The following VRK2 variants were observed in gnomAD, a reference collection of about 807,000 sequenced individuals.
VRK2 encodes the protein serine/threonine-protein kinase VRK2.
In VRK2, 60 loss-of-function variants were observed where a neutral mutation model predicts 57.6. The observed-to-expected ratio is 1.04, with a 90% confidence interval of 0.85 to 1.29. VRK2 has a LOEUF of 1.29. Ranked by LOEUF, VRK2 falls within the 50% of genes most tolerant of loss-of-function variation. The pLI, the probability that VRK2 is intolerant of heterozygous loss-of-function variation, is 0.00. For missense variants in VRK2, 705 were observed against 588.1 expected (o/e 1.20, Z -2.06); for synonymous variants, 231 against 199.2 (o/e 1.16, Z -1.35).
chr2:58,128,111 A>G (rs1467729971), intron 8 of VRK2, among the ~76,000 whole-genome samples: 1 of 152,214 alleles, frequency 6.6e-6, no homozygotes, highest in Non-Finnish European at 1.5e-5. Flanking sequence ...CTTGAAAGAA[A>G]TAGTTTCATG....
intron 12 of VRK2, among the ~76,000 whole-genome samples, chr2:58,152,455 T>C (rs1467482776): frequency 2.0e-5 from 3 of 151,942 alleles, no homozygotes; most frequent in Non-Finnish European, 2.9e-5. Flanking sequence ...TGCATTGGTA[T>C]TGTTGCTTTA....
chr2:58,137,164 AT>A (rs369539215), intron 10 of VRK2, among the ~76,000 whole-genome samples: 3 of 4,268 alleles, frequency 7.0e-4, no homozygotes, highest in Admixed American at 9.3e-3. Flanking sequence ...GTTTATATAT[AT>A]CATATATCAT....
chr2:58,142,456 T>C (rs976439068), intron 11 of VRK2, among the ~76,000 whole-genome samples: 5 of 151,872 alleles, frequency 3.3e-5, no homozygotes, highest in African/African-American at 7.3e-5. Flanking sequence ...AGAGTAGTGA[T>C]ATTGATATTT....
intron 2 of VRK2, among the ~76,000 whole-genome samples, chr2:58,079,092 A>G (rs1386053977): frequency 6.6e-6 from 1 of 152,172 alleles, no homozygotes; most frequent in African/African-American, 2.4e-5. Context: ...GAAGAGTACC[A>G]GCTAGTATTT....
intron 1 of VRK2, among the ~76,000 whole-genome samples, chr2:57,944,502 C>T (rs558806103): frequency 1.3e-5 from 2 of 152,258 alleles, no homozygotes; most frequent in African/African-American, 4.8e-5. Context: ...TTCGGGAGGC[C>T]GAGGCAGGCG....
intron 6 of VRK2, 107 bp downstream of exon 6, chr2:58,088,553 T>C: frequency 1.1e-6 from 1 of 891,354 alleles, no homozygotes; most frequent in South Asian, 1.4e-5. Flanking sequence ...ATTATTGCCC[T>C]AGAGACATCA....
intron 11 of VRK2, among the ~76,000 whole-genome samples, chr2:58,143,919 A>G (rs1402576345): frequency 6.6e-6 from 1 of 151,694 alleles, no homozygotes; most frequent in East Asian, 1.9e-4. Flanking sequence ...CACAAAGTGT[A>G]TTTTATTCAT....
intron 7 of VRK2, among the ~76,000 whole-genome samples, chr2:58,112,873 A>G (rs1396331023): frequency 6.6e-6 from 1 of 152,212 alleles, no homozygotes; most frequent in Non-Finnish European, 1.5e-5. Context: ...TAATATGTAG[A>G]TAAAGTCTTT....
At chr2:58,037,677 T>C (rs956251255) in intron 3 of VRK2, among the ~76,000 whole-genome samples, 2 of 152,138 alleles carry the variant, frequency 1.3e-5, no homozygotes, top group African/African-American at 4.8e-5. Context: ...ATATTTACTA[T>C]GCTAGGTTCT....
At chr2:57,938,016 G>C (rs2103949059) in intron 1 of VRK2, among the ~76,000 whole-genome samples, 2 of 151,938 alleles carry the variant, frequency 1.3e-5, no homozygotes, top group South Asian at 4.2e-4. Context: ...ATTTTTGGTA[G>C]AGACAGGTTT....
At position 58,159,619 on chromosome 2, in the gene VRK2, G is replaced by A; in HGVS notation, c.1453G>A (p.Ala485Thr). ...GTTTACTCTTAGTGAAGAGACAAAC[G>A]CAGATGTTTATTATTATCGCATCAT... is the stretch of plus-strand genomic sequence containing the variant. ...SQFTLSEETNADVYYYRIIIP... is the reference protein window; with the variant it reads ...SQFTLSEETNTDVYYYRIIIP... Residue 485 changes from alanine (A) to threonine (T), a missense_variant, in exon 13 of 13, where the codon GCA (alanine) becomes ACA (threonine). Transcript: ENST00000340157. 6 of 1,613,740 alleles carry A rather than the reference G, an allele frequency of 3.7e-6. No homozygotes were observed. The highest frequency in any genetic ancestry group is 5.1e-6 in the Non-Finnish European group (6 of 1,179,772).
chr2:58,113,824 G>A (rs1383303361), intron 7 of VRK2, among the ~76,000 whole-genome samples: 1 of 152,144 alleles, frequency 6.6e-6, no homozygotes, highest in African/African-American at 2.4e-5. Context: ...AACTCACAGG[G>A]GATGCGACGG....
chr2:58,122,698 C>A (rs559294457), intron 7 of VRK2, among the ~76,000 whole-genome samples: 1 of 152,072 alleles, frequency 6.6e-6, no homozygotes, highest in Non-Finnish European at 1.5e-5. Context: ...AGAATGTTTG[C>A]TCTTATCTCC....
intron 1 of VRK2, among the ~76,000 whole-genome samples, chr2:57,911,934 A>C (rs1669997914): frequency 1.3e-5 from 2 of 152,212 alleles, no homozygotes; most frequent in Non-Finnish European, 2.9e-5. Context: ...TATAAGAGAT[A>C]ACCTGCTCTC....
intron 1 of VRK2, among the ~76,000 whole-genome samples, chr2:57,953,172 C>G (rs1466835463): frequency 3.9e-5 from 6 of 152,198 alleles, no homozygotes; most frequent in Non-Finnish European, 7.3e-5. Flanking sequence ...TACATATTTA[C>G]TTTCCCATCT....
At chr2:58,128,102 T>A (rs1421236431) in intron 8 of VRK2, among the ~76,000 whole-genome samples, 1 of 152,204 alleles carries the variant, frequency 6.6e-6, no homozygotes, top group Admixed American at 6.5e-5. Flanking sequence ...ATGAAATAAC[T>A]TGAAAGAAAT....
chr2:58,135,040 A>G, intron 9 of VRK2, 101 bp from the exon 10 acceptor site: 2 of 1,278,606 alleles, frequency 1.6e-6, no homozygotes, highest in Admixed American at 4.3e-5. Flanking sequence ...TGAAAGTCAC[A>G]ATTTTGGTGA....
chr2:58,083,051 A>G lies in VRK2; in HGVS notation c.137-1038A>G, dbSNP rs186378891. On this transcript the variant is annotated intron_variant, in intron 2 of 12. Coordinates refer to ENST00000340157, the MANE Select transcript of VRK2 (RefSeq NM_006296.7). Reference sequence around the variant, plus strand: ...TAGGACACAGCATTTTAATAAATATATTGAATATATAAAAATATATTGTAT... The same window carrying G: ...TAGGACACAGCATTTTAATAAATATGTTGAATATATAAAAATATATTGTAT... Among the ~76,000 whole-genome samples, 5 of 151,968 alleles carry G rather than the reference A, an allele frequency of 3.3e-5. No individual in the cohort carries two copies. The East Asian group carries it at 7.7e-4, about 23-fold the overall frequency.
intron 2 of VRK2, 121 bp downstream of exon 2, chr2:58,049,088 T>C (rs1372170168): frequency 1.6e-6 from 2 of 1,234,570 alleles, no homozygotes; most frequent in South Asian, 1.7e-5. Context: ...AAATTCATGA[T>C]TGTACTCGAT....
Sources: allele counts gnomAD v4.1 joint callset (sites outside exome capture counted in the v4.1 genomes callset), GRCh38; gene constraint gnomAD v4.1.1; transcripts MANE v1.5; gene names NCBI Gene and HGNC (gene_info 2026-07-23, HGNC 2026-07-21).